The following ANKS1B variants were observed in gnomAD, a reference collection of about 807,000 sequenced individuals.
ANKS1B encodes the protein ankyrin repeat and sterile alpha motif domain containing 1B, also known as ankyrin repeat and sterile alpha motif domain-containing protein 1B.
Under a neutral mutation model 148.3 loss-of-function variants are expected in ANKS1B, and 36 were observed. The observed-to-expected ratio is 0.24, with a 90% CI of 0.19 to 0.32. The LOEUF is 0.32. Ranked by LOEUF, ANKS1B falls within the 10% of genes least tolerant of loss-of-function variation. The pLI is 1.00. For missense variants in ANKS1B, 1,157 were observed against 1,542.6 expected (o/e 0.75, Z 4.19); for synonymous variants, 542 against 560.8 (o/e 0.97, Z 0.47).
intron 14 of ANKS1B, among the ~76,000 whole-genome samples, chr12:99,222,997 C>G (rs886071841): frequency 6.6e-6 from 1 of 152,150 alleles, no homozygotes; most frequent in Non-Finnish European, 1.5e-5. Flanking sequence ...CATCTGTACA[C>G]ACATACATAC....
At chr12:99,219,791 G>C (rs1414853720) in intron 14 of ANKS1B, among the ~76,000 whole-genome samples, 1 of 152,192 alleles carries the variant, frequency 6.6e-6, no homozygotes, top group East Asian at 1.9e-4. Context: ...CAGTCTTTGA[G>C]CATAGCTGTT....
intron 17 of ANKS1B, among the ~76,000 whole-genome samples, chr12:99,033,839 C>T (rs558836993): frequency 6.6e-6 from 1 of 152,210 alleles, no homozygotes; most frequent in Admixed American, 6.5e-5. Context: ...ATTTTAGATC[C>T]CCCTTCCGCA....
At chr12:99,308,029 C>T (rs2082593146) in intron 12 of ANKS1B, among the ~76,000 whole-genome samples, 1 of 152,052 alleles carries the variant, frequency 6.6e-6, no homozygotes, top group Non-Finnish European at 1.5e-5. Flanking sequence ...CTATCTTCTG[C>T]TGATAGCTGA....
At chr12:99,381,433 G>C (rs982703260) in intron 12 of ANKS1B, among the ~76,000 whole-genome samples, 1 of 152,246 alleles carries the variant, frequency 6.6e-6, no homozygotes, top group Admixed American at 6.5e-5. Context: ...AATGAGACAA[G>C]AATTCCATCT....
chr12:99,456,550 C>T (rs1030037719), intron 10 of ANKS1B, among the ~76,000 whole-genome samples: 11 of 152,020 alleles, frequency 7.2e-5, no homozygotes, highest in Non-Finnish European at 1.5e-4. Flanking sequence ...ATGGAAAAAT[C>T]TCCAGTGAAA....
intron 14 of ANKS1B, among the ~76,000 whole-genome samples, chr12:99,157,672 G>A (rs1378139730): frequency 6.6e-6 from 1 of 152,040 alleles, no homozygotes; most frequent in Non-Finnish European, 1.5e-5. Flanking sequence ...GAGGGTGGGA[G>A]AAGAGTGAGG....
intron 8 of ANKS1B, among the ~76,000 whole-genome samples, chr12:99,713,629 T>C (rs1044050951): frequency 1.3e-5 from 2 of 152,222 alleles, no homozygotes; most frequent in African/African-American, 4.8e-5. Flanking sequence ...CTTAATTCCA[T>C]CTGGGCCATT....
chr12:99,123,341 CAGA>C (rs944139285), intron 15 of ANKS1B, among the ~76,000 whole-genome samples: 2 of 152,086 alleles, frequency 1.3e-5, no homozygotes, highest in African/African-American at 4.8e-5. Flanking sequence ...ACGTTTTAAA[CAGA>C]AGGTTAGCAG....
At chr12:99,052,441 C>T (rs982207036) in intron 17 of ANKS1B, among the ~76,000 whole-genome samples, 2 of 151,926 alleles carry the variant, frequency 1.3e-5, no homozygotes, top group African/African-American at 2.4e-5. Flanking sequence ...GAAATAGAGA[C>T]AAGGGGCCGG....
rs1479447476 is a variant in ANKS1B at position 99,850,157 on chromosome 12, A to T, written c.135-24768T>A. ...AATTGTTTTATGTTTATTCCTTATGATCTAAGAATTTTCAGTCATTTCAGT... is the reference window on the plus strand; with the variant it reads ...AATTGTTTTATGTTTATTCCTTATGTTCTAAGAATTTTCAGTCATTTCAGT... On this transcript the variant is annotated intron_variant, in intron 1 of 26. Transcript: ENST00000683438. Among the ~76,000 whole-genome samples, 3 of 152,236 alleles carry T rather than the reference A, an allele frequency of 2.0e-5. No homozygotes were observed. The East Asian group carries it at 5.8e-4, about 29-fold the overall frequency.
At chr12:98,811,978 C>T (rs2153630934) in intron 19 of ANKS1B, among the ~76,000 whole-genome samples, 1 of 152,116 alleles carries the variant, frequency 6.6e-6, no homozygotes, top group Admixed American at 6.5e-5. Context: ...AAATTTTTCT[C>T]AATGAAGAAT....
intron 11 of ANKS1B, among the ~76,000 whole-genome samples, chr12:99,431,624 T>C (rs919681340): frequency 2.6e-5 from 4 of 152,218 alleles, no homozygotes; most frequent in African/African-American, 9.6e-5. Flanking sequence ...AAACTTTTTA[T>C]ATAAGAACAT....
chr12:99,053,897 T>G (rs1565779522), intron 16 of ANKS1B, among the ~76,000 whole-genome samples: 1 of 152,192 alleles, frequency 6.6e-6, no homozygotes, highest in Non-Finnish European at 1.5e-5. Context: ...ATGTTAGACA[T>G]GAATAGAGAA....
chr12:99,592,771 A>G (rs1353114710), intron 9 of ANKS1B, among the ~76,000 whole-genome samples: 1 of 152,190 alleles, frequency 6.6e-6, no homozygotes, highest in Non-Finnish European at 1.5e-5. Flanking sequence ...GATCCTGAGA[A>G]CATGTGCCCA....
At chr12:99,167,451 G>A (rs972277858) in intron 14 of ANKS1B, among the ~76,000 whole-genome samples, 11 of 152,078 alleles carry the variant, frequency 7.2e-5, no homozygotes, top group Non-Finnish European at 1.6e-4. Context: ...GAAGGTATAT[G>A]GAAGGGAAAC....
chr12:98,771,449 G>C (rs1179298354), intron 25 of ANKS1B, among the ~76,000 whole-genome samples: 1 of 151,960 alleles, frequency 6.6e-6, no homozygotes, highest in African/African-American at 2.4e-5. Flanking sequence ...TGGGATTATA[G>C]GTATGAGCTG....
At chr12:98,992,720 G>C (rs1178795917) in intron 17 of ANKS1B, among the ~76,000 whole-genome samples, 2 of 152,114 alleles carry the variant, frequency 1.3e-5, no homozygotes, top group Non-Finnish European at 2.9e-5. Flanking sequence ...GAACTTCCTT[G>C]GTGACCCAAA....
intron 9 of ANKS1B, among the ~76,000 whole-genome samples, chr12:99,556,983 G>C (rs1001282595): frequency 6.6e-6 from 1 of 152,184 alleles, no homozygotes; most frequent in Admixed American, 6.5e-5. Flanking sequence ...GTCAAGTTTA[G>C]GTCCCAAATA....
chr12:99,548,724 A>G (rs1438234187), intron 9 of ANKS1B, among the ~76,000 whole-genome samples: 1 of 152,166 alleles, frequency 6.6e-6, no homozygotes, highest in Non-Finnish European at 1.5e-5. Flanking sequence ...TCTGGAAAAG[A>G]TAGTGCTCTT....
Sources: allele counts gnomAD v4.1 joint callset (sites outside exome capture counted in the v4.1 genomes callset), GRCh38; gene constraint gnomAD v4.1.1; transcripts MANE v1.5; gene names NCBI Gene and HGNC (gene_info 2026-07-23, HGNC 2026-07-21).